Variants in LRRIQ1 observed in about 807,000 individuals in gnomAD.
The protein encoded by LRRIQ1 is leucine-rich repeat- and IQ domain-containing protein 1.
A neutral mutation model predicts 211.9 loss-of-function variants in LRRIQ1; 210 were observed. The ratio of observed to expected loss-of-function variants is 0.99; its 90% CI spans 0.89 to 1.11. The LOEUF is 1.11. LRRIQ1 is among the 50% of genes most tolerant of loss of function. The probability of loss-of-function intolerance (pLI) is 0.00; values close to 1 mark genes in which losing one functional copy is unlikely to be tolerated. For synonymous variants in LRRIQ1, 699 were observed against 650.1 expected (o/e 1.08, Z -1.14); for missense variants, 2,136 against 1,939.5 (o/e 1.10, Z -1.90).
chr12:85,168,978 A>T (rs1297405936), intron 24 of LRRIQ1, among the ~76,000 whole-genome samples: 4 of 152,166 alleles, frequency 2.6e-5, no homozygotes, highest in Admixed American at 2.0e-4. Flanking sequence ...AACCTGTCTC[A>T]CAACACCACT....
chr12:85,195,712 C>G (rs1240424740), intron 24 of LRRIQ1, among the ~76,000 whole-genome samples: 6 of 151,964 alleles, frequency 3.9e-5, no homozygotes, highest in African/African-American at 1.4e-4. Context: ...AACCCACAGC[C>G]AATATCATAC....
chr12:85,197,185 C>T (rs956427773), intron 24 of LRRIQ1, among the ~76,000 whole-genome samples: 2 of 152,242 alleles, frequency 1.3e-5, no homozygotes, highest in African/African-American at 4.8e-5. Context: ...ACAACAGGTG[C>T]TGGAGAGGAT....
intron 1 of LRRIQ1, among the ~76,000 whole-genome samples, chr12:85,251,820 A>G (rs1895953637): frequency 6.6e-6 from 1 of 151,138 alleles, no homozygotes. Context: ...GATTCCTTCT[A>G]GCTTTCAAAT....
Position 85,189,777 on chromosome 12 carries a change from A to G in LRRIQ1, c.4822+29063A>G, listed in dbSNP as rs532758117. The stretch of plus-strand genomic sequence containing the variant: ...AGATTAAAAATATATATAATATCTA[A>G]TAATATATATTATTTATTATATCTG... On this transcript the variant is annotated intron_variant, in intron 24 of 26. Coordinates refer to ENST00000393217, the MANE Select transcript of LRRIQ1 (RefSeq NM_001079910.2). Among the ~76,000 whole-genome samples, 3 of 146,804 alleles carry G rather than the reference A, an allele frequency of 2.0e-5. No homozygotes were observed. In the East Asian group the frequency reaches 5.9e-4, roughly 29 times the overall value.
chr12:85,257,330 G>A (rs1896149064), intron 1 of LRRIQ1, among the ~76,000 whole-genome samples: 1 of 147,186 alleles, frequency 6.8e-6, no homozygotes, highest in South Asian at 2.1e-4. Context: ...ACGCTTTGTT[G>A]TAAATATAAT....
At chr12:85,061,511 A>G (rs1330288947) in intron 8 of LRRIQ1, among the ~76,000 whole-genome samples, 1 of 151,826 alleles carries the variant, frequency 6.6e-6, no homozygotes. Context: ...CTATAATAAG[A>G]TTAAAGGACA....
chr12:85,183,329 T>C (rs1239622077), intron 24 of LRRIQ1, among the ~76,000 whole-genome samples: 2 of 152,082 alleles, frequency 1.3e-5, no homozygotes, highest in Admixed American at 1.3e-4. Flanking sequence ...AAGTGTTTTT[T>C]CCAGCGACAA....
At position 85,226,803 on chromosome 12, in the gene LRRIQ1, T is replaced by A. The variant is rs538138269; in HGVS notation, c.4823-2714T>A. 4.6e-5 allele frequency among the ~76,000 whole-genome samples: 7 copies of A among 151,540 alleles called. No homozygotes were observed. The South Asian group carries it at 1.5e-3, about 32-fold the overall frequency. On this transcript the variant is annotated intron_variant, in intron 24 of 26. Transcript: ENST00000393217. ...GTTTGGTTTTCTGTCCTTGTGATAG[T>A]TTGCTCAGAATGATGGTTTCCAGCT...
intron 3 of LRRIQ1, among the ~76,000 whole-genome samples, chr12:85,041,132 T>A (rs777436015): frequency 2.0e-5 from 3 of 151,716 alleles, no homozygotes; most frequent in Non-Finnish European, 4.4e-5. Context: ...AACCTATTTT[T>A]AAAAATGACA....
At chr12:85,204,670 A>G (rs570816216) in intron 24 of LRRIQ1, among the ~76,000 whole-genome samples, 2 of 152,222 alleles carry the variant, frequency 1.3e-5, no homozygotes, top group African/African-American at 4.8e-5. Context: ...TGGGATCTGT[A>G]GCCCCTTTGT....
At chr12:85,092,805 G>A (rs773336215) in intron 11 of LRRIQ1, among the ~76,000 whole-genome samples, 1 of 152,164 alleles carries the variant, frequency 6.6e-6, no homozygotes, top group African/African-American at 2.4e-5. Flanking sequence ...CTGCGCCGAC[G>A]GCATCATTCT....
intron 19 of LRRIQ1, among the ~76,000 whole-genome samples, chr12:85,150,138 A>C (rs1185659786): frequency 6.6e-6 from 1 of 151,790 alleles, no homozygotes; most frequent in Non-Finnish European, 1.5e-5. Context: ...TTTGTATAAA[A>C]TCAGTGTAAG....
chr12:85,106,886 T>C (rs1056135767), intron 15 of LRRIQ1, among the ~76,000 whole-genome samples: 4 of 152,160 alleles, frequency 2.6e-5, no homozygotes, highest in African/African-American at 9.7e-5. Flanking sequence ...TGATATTAAC[T>C]TGGGTTTTGC....
intron 24 of LRRIQ1, among the ~76,000 whole-genome samples, chr12:85,172,461 A>G (rs761579581): frequency 2.0e-5 from 3 of 152,196 alleles, no homozygotes; most frequent in Non-Finnish European, 4.4e-5. Context: ...CTCACTAGCT[A>G]AATACTCCAT....
intron 11 of LRRIQ1, among the ~76,000 whole-genome samples, chr12:85,074,338 T>A (rs1038535605): frequency 7.9e-5 from 12 of 152,028 alleles, no homozygotes; most frequent in Non-Finnish European, 1.8e-4. Context: ...TAGGTGTATA[T>A]ATTTATGGGA....
intron 1 of LRRIQ1, among the ~76,000 whole-genome samples, chr12:85,258,610 A>G (rs954758573): frequency 6.6e-6 from 1 of 151,960 alleles, no homozygotes; most frequent in African/African-American, 2.4e-5. Context: ...TGAATATTGT[A>G]ATATCTACCT....
intron 1 of LRRIQ1, among the ~76,000 whole-genome samples, chr12:85,252,243 T>A (rs1261024556): frequency 2.0e-5 from 3 of 151,882 alleles, no homozygotes; most frequent in Non-Finnish European, 4.4e-5. Flanking sequence ...ATTTTTAATG[T>A]CCCAATCCAT....
chr12:85,225,361 G>A (rs1894600737), intron 24 of LRRIQ1, among the ~76,000 whole-genome samples: 1 of 151,994 alleles, frequency 6.6e-6, no homozygotes, highest in Admixed American at 6.6e-5. Flanking sequence ...GTAAACTAAA[G>A]TCAAAACAAA....
chr12:85,133,511 G>A (rs1888915306), intron 18 of LRRIQ1, among the ~76,000 whole-genome samples: 2 of 152,234 alleles, frequency 1.3e-5, no homozygotes, highest in South Asian at 4.1e-4. Flanking sequence ...CTTCTCCTGT[G>A]GTGAGGTTGC....
Sources: gnomAD v4.1 joint callset for allele counts (sites outside exome capture counted in the v4.1 genomes callset) on GRCh38, gnomAD v4.1.1 for gene constraint, MANE v1.5 for transcripts, NCBI Gene and HGNC (gene_info 2026-07-23, HGNC 2026-07-21) for gene names.